The following CUL5 variants were observed in gnomAD, a reference collection of about 807,000 sequenced individuals.
CUL5 encodes the protein cullin 5, also known as cullin-5.
Under a neutral mutation model 108.8 loss-of-function variants are expected in CUL5, and 26 were observed. The ratio of observed to expected loss-of-function variants is 0.24; its 90% CI spans 0.18 to 0.33. The LOEUF (loss-of-function observed/expected upper bound fraction) is 0.33, where lower values mean the gene tolerates loss of function less well. Ranked by LOEUF, CUL5 falls within the 10% of genes least tolerant of loss-of-function variation. The probability of loss-of-function intolerance (pLI) is 1.00; values close to 1 mark genes in which losing one functional copy is unlikely to be tolerated. For missense variants in CUL5, 524 were observed against 909.2 expected, an observed-to-expected ratio of 0.58 and a Z score of 5.45; for synonymous variants, 334 against 298.0, an observed-to-expected ratio of 1.12 and a Z score of -1.25.
intron 1 of CUL5, among the ~76,000 whole-genome samples, chr11:108,024,550 A>T (rs564396822): frequency 6.6e-6 from 1 of 152,382 alleles, no homozygotes. Flanking sequence ...CAGATATTAT[A>T]AAGTAAAATA....
At chr11:108,090,381 T>A (rs1283346188) in intron 13 of CUL5, among the ~76,000 whole-genome samples, 1 of 151,958 alleles carries the variant, frequency 6.6e-6, no homozygotes, top group East Asian at 1.9e-4. Context: ...TCCCAGCTAC[T>A]TGGGAGGCTG....
At chr11:108,084,064 G>C (rs893284586) in intron 11 of CUL5, among the ~76,000 whole-genome samples, 1 of 152,138 alleles carries the variant, frequency 6.6e-6, no homozygotes, top group Non-Finnish European at 1.5e-5. Context: ...CCTTCTTCCA[G>C]TGTGGCCCAG....
intron 7 of CUL5, among the ~76,000 whole-genome samples, chr11:108,057,286 C>T (rs1219697783): frequency 6.6e-6 from 1 of 152,218 alleles, no homozygotes; most frequent in Admixed American, 6.5e-5. Flanking sequence ...CCTCGACCTC[C>T]CAGAGTGCTA....
rs1201282636 is a variant in CUL5, at chr11:108,033,861, G to A, written c.84G>A (p.Lys28=). Residue 28 remains lysine (K), a synonymous_variant, in exon 2 of 19, where the codon AAG becomes AAA. Coordinates refer to ENST00000393094, the MANE Select transcript of CUL5 (RefSeq NM_003478.6). ...KWDFMRPIVL[K]LLRQESVTKQ... is the part of the protein sequence containing the mutation. ...ATTTTATGCGCCCGATTGTTTTGAA[G>A]CTTTTACGCCAGGAATCTGTTACAA... 6.2e-7 allele frequency: 1 copy of A among 1,612,908 alleles called. No individual in the cohort carries two copies. The highest frequency in any genetic ancestry group is 8.5e-7 in the Non-Finnish European group (1 of 1,179,478).
chr11:108,038,697 CT>C (rs1862810207), intron 2 of CUL5, among the ~76,000 whole-genome samples: 1 of 150,212 alleles, frequency 6.7e-6, no homozygotes, highest in South Asian at 2.1e-4. Flanking sequence ...AAAAAAAGAT[CT>C]TTCATCTCCT....
At chr11:108,084,016 A>T (rs939786709) in intron 11 of CUL5, among the ~76,000 whole-genome samples, 2 of 152,074 alleles carry the variant, frequency 1.3e-5, no homozygotes. Context: ...ATCATCTGTC[A>T]TTAGTGTTAG....
At chr11:108,013,981 C>T (rs555214121) in intron 1 of CUL5, among the ~76,000 whole-genome samples, 4 of 152,252 alleles carry the variant, frequency 2.6e-5, no homozygotes, top group African/African-American at 9.6e-5. Flanking sequence ...ATGGAGAATG[C>T]AAAGATATGT....
chr11:108,084,564 G>T (rs981356748), intron 11 of CUL5, among the ~76,000 whole-genome samples: 1 of 152,196 alleles, frequency 6.6e-6, no homozygotes, highest in African/African-American at 2.4e-5. Flanking sequence ...CTTAATGCAA[G>T]ATAACATCAT....
chr11:108,053,538 C>A lies in CUL5; in HGVS notation c.553+737C>A, dbSNP rs116836123. Among the ~76,000 whole-genome samples the A allele has an allele frequency of 9.2e-3, 1,396 of 152,268 alleles. 26 individuals carry two copies. The highest frequency in any genetic ancestry group is 0.031 in the African/African-American group (1,307 of 41,546). On this transcript the variant is annotated intron_variant, in intron 5 of 18. Coordinates refer to ENST00000393094, the MANE Select transcript of CUL5 (RefSeq NM_003478.6). ...AATTGAACTGCCACCAGACATTAAA[C>A]TTCACATGCAGAGTTTTGAAATAGT...
intron 2 of CUL5, among the ~76,000 whole-genome samples, chr11:108,042,393 A>AT (rs543936170): frequency 3.6e-4 from 55 of 150,860 alleles, no homozygotes; most frequent in African/African-American, 1.1e-3. Flanking sequence ...TAATTTTTGT[A>AT]TTTTTTTTAG....
intron 3 of CUL5, among the ~76,000 whole-genome samples, chr11:108,047,608 G>A (rs1320709220): frequency 6.6e-6 from 1 of 152,104 alleles, no homozygotes; most frequent in African/African-American, 2.4e-5. Flanking sequence ...TATTACTTAA[G>A]AAATTAAGTG....
intron 1 of CUL5, among the ~76,000 whole-genome samples, chr11:108,022,714 AT>A (rs1414986586): frequency 6.6e-6 from 1 of 152,162 alleles, no homozygotes; most frequent in Admixed American, 6.5e-5. Context: ...ATGGTACAGT[AT>A]TTAGGCCTGA....
chr11:108,033,911 C>T lies in CUL5; in HGVS notation c.134C>T (p.Ser45Leu). The T allele has an allele frequency of 6.3e-7, 1 of 1,579,160 alleles. No homozygotes were observed. Among genetic ancestry groups the T allele is most frequent in the Non-Finnish European group, 8.7e-7 (1 of 1,153,502 alleles). Residue 45 changes from serine (S) to leucine (L), a missense_variant and splice_region_variant, in exon 2 of 19, where the codon TCG (serine) becomes TTG (leucine). Physicochemically the swap from Ser to Leu is moderately radical, Grantham distance 145. Around this residue, in one of 8 missense-constraint regions of CUL5, gnomAD observed 76 missense variants for 90.8 expected, o/e 0.84. Coordinates refer to ENST00000393094, the MANE Select transcript of CUL5 (RefSeq NM_003478.6). ...AAACAGCAGTGGTTTGATCTGTTTTCGTAAGTACCCCACTAATTCTGTTTG... is the reference window on the plus strand; with the variant it reads ...AAACAGCAGTGGTTTGATCTGTTTTTGTAAGTACCCCACTAATTCTGTTTG... ...VTKQQWFDLF[S>L]DVHAVCLWDD...
chr11:108,020,583 C>T (rs964745895), intron 1 of CUL5, among the ~76,000 whole-genome samples: 2 of 150,606 alleles, frequency 1.3e-5, no homozygotes, highest in South Asian at 2.1e-4. Context: ...GGTCTCACCA[C>T]GTTGCCCAGG....
chr11:108,103,534 A>G (rs1864721658), intron 18 of CUL5, among the ~76,000 whole-genome samples: 1 of 152,208 alleles, frequency 6.6e-6, no homozygotes, highest in African/African-American at 2.4e-5. Flanking sequence ...GACTTTTAAA[A>G]CAGACCCCAC....
chr11:108,091,722 C>CACAT (rs1182505270), intron 13 of CUL5, among the ~76,000 whole-genome samples: 1 of 151,228 alleles, frequency 6.6e-6, no homozygotes, highest in Non-Finnish European at 1.5e-5. Flanking sequence ...CACACACACA[C>CACAT]ACACACACAC....
intron 1 of CUL5, among the ~76,000 whole-genome samples, chr11:108,018,782 A>G (rs1274104117): frequency 2.0e-5 from 3 of 152,190 alleles, no homozygotes; most frequent in African/African-American, 7.2e-5. Flanking sequence ...GAAAGATTTT[A>G]TGAATCCCCT....
intron 2 of CUL5, among the ~76,000 whole-genome samples, chr11:108,043,042 C>G (rs1213641786): frequency 6.6e-6 from 1 of 152,150 alleles, no homozygotes; most frequent in Non-Finnish European, 1.5e-5. Flanking sequence ...GGATTAAAGG[C>G]ATGAGCCGCC....
intron 18 of CUL5, among the ~76,000 whole-genome samples, chr11:108,103,091 C>T (rs1033501772): frequency 3.9e-5 from 6 of 152,134 alleles, no homozygotes; most frequent in South Asian, 2.1e-4. Flanking sequence ...CCACCACACC[C>T]GGCATATACA....
Sources: gnomAD v4.1 joint callset for allele counts (sites outside exome capture counted in the v4.1 genomes callset) on GRCh38, gnomAD v4.1.1 for gene constraint, gnomAD v4.1.1 regional missense constraint, MANE v1.5 for transcripts, NCBI Gene and HGNC (gene_info 2026-07-23, HGNC 2026-07-21) for gene names.